The following ZNF608 variants were observed in gnomAD, a reference collection of about 807,000 sequenced individuals.
ZNF608 encodes the protein renal carcinoma antigen NY-REN-36.
In ZNF608, 12 loss-of-function variants were observed where a neutral mutation model predicts 109.0. That is an observed-to-expected ratio of 0.11 (90% CI 0.07 to 0.18). ZNF608 has a LOEUF of 0.18. Ranked by LOEUF, ZNF608 falls within the 10% of genes least tolerant of loss-of-function variation. ZNF608 has a pLI of 1.00. For synonymous variants in ZNF608, 732 were observed against 717.4 expected (o/e 1.02, Z -0.33); for missense variants, 1,707 against 1,879.3 (o/e 0.91, Z 1.70).
intron 7 of ZNF608, among the ~76,000 whole-genome samples, chr5:124,642,623 T>TCTG (rs1385379545): frequency 1.3e-5 from 2 of 151,790 alleles, no homozygotes; most frequent in Non-Finnish European, 2.9e-5. Context: ...GAGCAGCACA[T>TCTG]CTGCCTAGAT....
In ZNF608 at chr5:124,649,909, C is replaced by T. The variant is rs537909459; in HGVS notation, c.1163-212G>A. On this transcript the variant is annotated intron_variant, in intron 3 of 9. Coordinates refer to ENST00000513986, the MANE Select transcript of ZNF608 (RefSeq NM_020747.3). ...TGTGTGTTGTGCATTCGTGCGCGTG[C>T]GCATGTGGTACAAAGGAGTGAGACT... Among the ~76,000 whole-genome samples, 4 of 152,294 alleles carry T rather than the reference C, an allele frequency of 2.6e-5. No homozygotes were observed. In the South Asian group the frequency reaches 8.3e-4, roughly 32 times the overall value.
At chr5:124,738,313 T>G (rs1335544673) in intron 2 of ZNF608, among the ~76,000 whole-genome samples, 1 of 152,190 alleles carries the variant, frequency 6.6e-6, no homozygotes, top group African/African-American at 2.4e-5. Context: ...CTAACAAGGA[T>G]AGCCCAGTAT....
chr5:124,663,159 T>C (rs193155436), intron 3 of ZNF608, among the ~76,000 whole-genome samples: 57 of 152,212 alleles, frequency 3.7e-4, no homozygotes, highest in African/African-American at 1.3e-3. Flanking sequence ...GGGTGAAGAG[T>C]ACAGCATTCC....
In ZNF608 at chr5:124,744,921, G is replaced by C; in HGVS notation, c.69C>G (p.Gly23=). 2 of 1,613,980 alleles carry C rather than the reference G, an allele frequency of 1.2e-6. No homozygotes were observed. The highest frequency in any genetic ancestry group is 1.7e-6 in the Non-Finnish European group (2 of 1,180,006). The change falls in exon 2 of 10, where the codon GGC becomes GGG. Residue 23 remains glycine, a synonymous_variant. Transcript: ENST00000513986. The surrounding 1 kb of genome is among the most constrained non-coding windows in gnomAD (Gnocchi z 4.5). ...TTCCAACCCCGATTTCCCAATCATC[G>C]CCACTGTCATAAGTATCAACTGTAT... ...DPNTVDTYDS[G]DDWEIGVGNL... is the part of the protein sequence containing the mutation.
intron 3 of ZNF608, among the ~76,000 whole-genome samples, chr5:124,682,067 G>A (rs549711247): frequency 5.5e-4 from 83 of 152,138 alleles, no homozygotes; most frequent in Non-Finnish European, 9.3e-4. Context: ...TCCCATGAAT[G>A]CTTTTCTTTT....
chr5:124,687,203 C>T (rs547975143), intron 3 of ZNF608, among the ~76,000 whole-genome samples: 1 of 152,306 alleles, frequency 6.6e-6, no homozygotes, highest in South Asian at 2.1e-4. Context: ...ATACTTCCCA[C>T]AGTCATTTTC....
At chr5:124,712,054 G>A (rs954825968) in intron 2 of ZNF608, among the ~76,000 whole-genome samples, 2 of 152,162 alleles carry the variant, frequency 1.3e-5, no homozygotes, top group African/African-American at 4.8e-5. Context: ...GGCTGAGGCA[G>A]GAGAATCACT....
At chr5:124,723,642 C>T (rs748210001) in intron 2 of ZNF608, among the ~76,000 whole-genome samples, 1 of 152,100 alleles carries the variant, frequency 6.6e-6, no homozygotes, top group African/African-American at 2.4e-5. Context: ...GACCAGAGAT[C>T]GTGCCACTGC....
chr5:124,737,225 T>A (rs1749193379), intron 2 of ZNF608, among the ~76,000 whole-genome samples: 1 of 152,250 alleles, frequency 6.6e-6, no homozygotes, highest in Admixed American at 6.5e-5. Context: ...TTACTTGCTT[T>A]TTAAACTGTA....
chr5:124,666,495 G>C (rs1245677581), intron 3 of ZNF608: 1 of 152,138 alleles, frequency 6.6e-6, no homozygotes, highest in Non-Finnish European at 1.5e-5. Flanking sequence ...TACAAATAGA[G>C]TAGTTTCTTT....
intron 2 of ZNF608, among the ~76,000 whole-genome samples, chr5:124,706,762 G>C (rs1753273708): frequency 6.6e-6 from 1 of 152,180 alleles, no homozygotes; most frequent in African/African-American, 2.4e-5. Flanking sequence ...TCTAACAGCT[G>C]GTGGTGGCAG....
At chr5:124,643,380 A>G in intron 7 of ZNF608, 131 bp downstream of exon 7, 1 of 822,442 alleles carries the variant, frequency 1.2e-6, no homozygotes, top group Non-Finnish European at 1.9e-6. Context: ...TTCTTTACGT[A>G]TTAGGATAAA....
chr5:124,671,620 T>G (rs550114143), intron 3 of ZNF608, among the ~76,000 whole-genome samples: 1 of 150,726 alleles, frequency 6.6e-6, no homozygotes, highest in Non-Finnish European at 1.5e-5. Context: ...AACAGGCACA[T>G]CATACTGTCC....
At chr5:124,743,785 G>T (rs1353367025) in intron 2 of ZNF608, among the ~76,000 whole-genome samples, 1 of 152,102 alleles carries the variant, frequency 6.6e-6, no homozygotes, top group Non-Finnish European at 1.5e-5. Context: ...GTGAGGAACC[G>T]ATCTACAGGG....
intron 2 of ZNF608, among the ~76,000 whole-genome samples, chr5:124,703,667 C>T (rs1440567399): frequency 3.3e-5 from 5 of 152,080 alleles, no homozygotes; most frequent in Non-Finnish European, 7.4e-5. Flanking sequence ...ACTCGAGAGG[C>T]TGAGGTGGGA....
intron 2 of ZNF608, among the ~76,000 whole-genome samples, chr5:124,707,232 C>T (rs1753301101): frequency 6.6e-6 from 1 of 152,096 alleles, no homozygotes; most frequent in African/African-American, 2.4e-5. Flanking sequence ...GAGAGTGCTC[C>T]CTCGAGCACT....
At chr5:124,687,519 T>C (rs1299891989) in intron 3 of ZNF608, among the ~76,000 whole-genome samples, 2 of 152,228 alleles carry the variant, frequency 1.3e-5, no homozygotes, top group African/African-American at 2.4e-5. Context: ...CTCAATTTAC[T>C]ATTCAATTCC....
At chr5:124,688,855 GAAA>G (rs1451579759) in intron 3 of ZNF608, among the ~76,000 whole-genome samples, 1 of 152,120 alleles carries the variant, frequency 6.6e-6, no homozygotes, top group African/African-American at 2.4e-5. Flanking sequence ...CATAACATCA[GAAA>G]TGCTTGTGTT....
chr5:124,637,447 T>C lies in ZNF608; in HGVS notation c.*453A>G, dbSNP rs562189625. 1 of 152,676 alleles carries C rather than the reference T, an allele frequency of 6.5e-6. No individual in the cohort carries two copies. The highest frequency in any genetic ancestry group is 6.5e-5 in the Admixed American group (1 of 15,288). The allele number at this position is 152,676 out of a possible 1,614,324, so 9.5% of individuals were successfully genotyped here. Reference sequence around the variant, plus strand: ...CTTTCTGAGGGGCTTATGGGAAATATGTGAAGGATATGCAAGGTTCAGGCA... The same window carrying C: ...CTTTCTGAGGGGCTTATGGGAAATACGTGAAGGATATGCAAGGTTCAGGCA... On this transcript the variant is annotated 3_prime_UTR_variant, in exon 10 of 10. Coordinates refer to ENST00000513986, the MANE Select transcript of ZNF608 (RefSeq NM_020747.3).
Sources: allele counts gnomAD v4.1 joint callset (sites outside exome capture counted in the v4.1 genomes callset), GRCh38; gene constraint gnomAD v4.1.1; non-coding constraint Gnocchi (gnomAD v3.1); transcripts MANE v1.5; gene names NCBI Gene and HGNC (gene_info 2026-07-23, HGNC 2026-07-21).